The following PALS2 variants were observed in gnomAD, a reference collection of about 807,000 sequenced individuals.
The protein encoded by PALS2 is protein associated with LIN7 2, MAGUK p55 family member, also known as protein PALS2.
In PALS2, 27 loss-of-function variants were observed where a neutral mutation model predicts 61.6. The observed-to-expected ratio is 0.44, with a 90% confidence interval of 0.32 to 0.60. PALS2 has a LOEUF of 0.60. PALS2 is among the 20% of genes least tolerant of loss of function. The pLI is 0.05. For missense variants in PALS2, 554 were observed against 639.4 expected (o/e 0.87, Z 1.44); for synonymous variants, 236 against 218.6 (o/e 1.08, Z -0.70).
At chr7:24,635,311 G>C (rs1387099164) in intron 2 of PALS2, among the ~76,000 whole-genome samples, 1 of 152,090 alleles carries the variant, frequency 6.6e-6, no homozygotes, top group Admixed American at 6.5e-5. Context: ...TTTTGCTGCT[G>C]TTATGAATGG....
intron 1 of PALS2, among the ~76,000 whole-genome samples, chr7:24,621,071 A>G (rs184700869): frequency 4.6e-5 from 7 of 152,272 alleles, no homozygotes; most frequent in South Asian, 2.1e-4. Flanking sequence ...AATTGATTCT[A>G]TTGTTCCCTG....
rs577885530 is a variant in PALS2 at position 24,633,796 on chromosome 7, C to T, written c.118-7920C>T. ...TAACTGTGTTTCATTGAGGAACTGC[C>T]GGACTGTTATCCATAGTAGCTGTAC... On this transcript the variant is annotated intron_variant, in intron 2 of 11. Coordinates refer to ENST00000222644, the MANE Select transcript of PALS2 (RefSeq NM_001303037.2). 1.4e-4 allele frequency among the ~76,000 whole-genome samples: 21 copies of T among 152,196 alleles called. No homozygotes were observed. The East Asian group carries it at 2.7e-3, about 20-fold the overall frequency.
chr7:24,674,899 G>A (rs373928854), intron 9 of PALS2, among the ~76,000 whole-genome samples: 7 of 152,088 alleles, frequency 4.6e-5, no homozygotes, highest in African/African-American at 1.7e-4. Context: ...TTTGTTGATT[G>A]TGTCTTCATT....
intron 2 of PALS2, among the ~76,000 whole-genome samples, chr7:24,625,625 A>C (rs1325335935): frequency 1.3e-5 from 2 of 152,138 alleles, no homozygotes; most frequent in Non-Finnish European, 1.5e-5. Context: ...TTATTCTTAA[A>C]AACTGGTGGG....
chr7:24,643,675 A>G (rs898000674), intron 3 of PALS2, among the ~76,000 whole-genome samples: 1 of 152,122 alleles, frequency 6.6e-6, no homozygotes, highest in Admixed American at 6.5e-5. Context: ...TTTCCCCTTG[A>G]TTATGACATT....
chr7:24,678,933 T>A (rs1489013179), intron 9 of PALS2, among the ~76,000 whole-genome samples, 198 bp from the exon 10 acceptor site: 1 of 152,192 alleles, frequency 6.6e-6, no homozygotes, highest in East Asian at 1.9e-4. Context: ...AAAGAAACCA[T>A]GTATGATACA....
chr7:24,607,932 TTGTC>T (rs1783979244), intron 1 of PALS2, among the ~76,000 whole-genome samples: 1 of 152,170 alleles, frequency 6.6e-6, no homozygotes, highest in Non-Finnish European at 1.5e-5. Flanking sequence ...TTGTGTAAAT[TTGTC>T]TAAAAGGCTA....
intron 1 of PALS2, among the ~76,000 whole-genome samples, chr7:24,588,199 G>C (rs1199302788): frequency 6.6e-6 from 1 of 152,108 alleles, no homozygotes; most frequent in Non-Finnish European, 1.5e-5. Flanking sequence ...GGAGACATAG[G>C]TCAATTTTTT....
chr7:24,662,589 T>A (rs1320039929), intron 5 of PALS2, among the ~76,000 whole-genome samples: 1 of 151,714 alleles, frequency 6.6e-6, no homozygotes, highest in Admixed American at 6.6e-5. Context: ...GCCAACATGG[T>A]GAAACCTGGT....
At chr7:24,624,084 C>G in intron 2 of PALS2, 3 of 1,331,720 alleles carry the variant, frequency 2.3e-6, no homozygotes, top group Non-Finnish European at 3.0e-6. Flanking sequence ...AGATCCTGAT[C>G]CTATTTCCAT....
At chr7:24,612,134 A>G (rs1040444616) in intron 1 of PALS2, among the ~76,000 whole-genome samples, 1 of 151,860 alleles carries the variant, frequency 6.6e-6, no homozygotes, top group Non-Finnish European at 1.5e-5. Context: ...CCCTTTGTTC[A>G]TGTGGTTTTT....
In PALS2 at chr7:24,689,656, A is replaced by G. The variant is rs1368009324; in HGVS notation, c.*2042A>G. On this transcript the variant is annotated 3_prime_UTR_variant, in exon 12 of 12. Transcript: ENST00000222644. ...AAATTCACGTTTCTTGTCCTAGGAC[A>G]GGGAATTGGTGACAAAATGGATTAT... 1 of 150,712 alleles carries G rather than the reference A, an allele frequency of 6.6e-6. No individual in the cohort carries two copies. Among genetic ancestry groups the G allele is most frequent in the Non-Finnish European group, 1.5e-5 (1 of 67,884 alleles). The allele number at this position is 150,712 out of a possible 1,614,324, so 9.3% of individuals were successfully genotyped here.
chr7:24,635,954 A>G (rs775890071), intron 2 of PALS2, among the ~76,000 whole-genome samples: 2 of 152,008 alleles, frequency 1.3e-5, no homozygotes, highest in Non-Finnish European at 2.9e-5. Flanking sequence ...GCTCATGCCT[A>G]TAATCCTAGC....
At chr7:24,636,997 G>A (rs888003857) in intron 2 of PALS2, among the ~76,000 whole-genome samples, 1 of 152,102 alleles carries the variant, frequency 6.6e-6, no homozygotes, top group Non-Finnish European at 1.5e-5. Flanking sequence ...CCACTCAAAG[G>A]TTATAAAAAG....
In PALS2 at chr7:24,685,583, T is replaced by C. The variant is rs6964746; in HGVS notation, c.1447-1855T>C. 3.8e-3 allele frequency among the ~76,000 whole-genome samples: 585 copies of C among 151,964 alleles called. 3 individuals carry two copies. The highest frequency in any genetic ancestry group is 0.013 in the African/African-American group (542 of 41,444). ...CCAGTATATCCTAGAGACCACTCTA[T>C]AGCCAGAGAGAGAATCTTTATTCCT... On this transcript the variant is annotated intron_variant, in intron 11 of 11. Transcript: ENST00000222644.
chr7:24,646,147 TTTCTCTTGCCTGA>T, intron 3 of PALS2, among the ~76,000 whole-genome samples: 1 of 152,058 alleles, frequency 6.6e-6, no homozygotes, highest in East Asian at 1.9e-4. Flanking sequence ...CCTGTATTTG[TTTCTCTTGCCTGA>T]TTGCTCTGGC....
chr7:24,641,661 TCTGG>T, intron 2 of PALS2, 51 bp from the exon 3 acceptor site: 1 of 1,413,336 alleles, frequency 7.1e-7, no homozygotes, highest in Middle Eastern at 1.9e-4. Context: ...TAAACCATGG[TCTGG>T]TGCAAATAAC....
chr7:24,609,497 T>C (rs1342154486), intron 1 of PALS2, among the ~76,000 whole-genome samples: 1 of 152,138 alleles, frequency 6.6e-6, no homozygotes, highest in African/African-American at 2.4e-5. Context: ...CTGGGAAATG[T>C]ATTAAGGGGA....
At chr7:24,664,823 T>C (rs1183204745) in intron 6 of PALS2, among the ~76,000 whole-genome samples, 4 of 152,258 alleles carry the variant, frequency 2.6e-5, no homozygotes, top group African/African-American at 9.6e-5. Flanking sequence ...ATTTTTTTTC[T>C]TTTTCCTATG....
Sources: gnomAD v4.1 joint callset for allele counts (sites outside exome capture counted in the v4.1 genomes callset) on GRCh38, gnomAD v4.1.1 for gene constraint, MANE v1.5 for transcripts, NCBI Gene and HGNC (gene_info 2026-07-23, HGNC 2026-07-21) for gene names.